Variants in SGCZ observed in about 807,000 individuals in gnomAD.
SGCZ encodes sarcoglycan zeta.
A neutral mutation model predicts 41.3 loss-of-function variants in SGCZ; 40 were observed. That is an observed-to-expected ratio of 0.97 (90% CI 0.75 to 1.26). The LOEUF (loss-of-function observed/expected upper bound fraction) is 1.26. Among genes scored for constraint, SGCZ ranks in the 50% most tolerant of loss-of-function variants. SGCZ has a pLI of 0.00. For missense variants in SGCZ, 552 were observed against 369.8 expected (o/e 1.49, Z -4.04); for synonymous variants, 206 against 137.5 (o/e 1.50, Z -3.49).
chr8:14,114,368 T>C (rs1019304720), intron 5 of SGCZ, among the ~76,000 whole-genome samples: 1 of 151,980 alleles, frequency 6.6e-6, no homozygotes, highest in Non-Finnish European at 1.5e-5. Flanking sequence ...ATTATGAGCA[T>C]AGCCAAAGTG....
At chr8:14,468,262 C>T (rs569233935) in intron 2 of SGCZ, among the ~76,000 whole-genome samples, 48 of 152,108 alleles carry the variant, frequency 3.2e-4, no homozygotes, top group African/African-American at 1.2e-3. Flanking sequence ...CAGCAGTAAT[C>T]TATTTCATTC....
At chr8:14,181,095 C>T (rs1485300860) in intron 4 of SGCZ, among the ~76,000 whole-genome samples, 1 of 152,130 alleles carries the variant, frequency 6.6e-6, no homozygotes, top group Non-Finnish European at 1.5e-5. Flanking sequence ...CTAAGCCAGG[C>T]CTGAGGCCCA....
chr8:14,613,300 T>C (rs1378255257), intron 1 of SGCZ, among the ~76,000 whole-genome samples: 1 of 152,230 alleles, frequency 6.6e-6, no homozygotes, highest in Non-Finnish European at 1.5e-5. Context: ...TGTCACCTAT[T>C]ATTTTGATTT....
At chr8:15,031,812 C>T (rs1803673955) in intron 1 of SGCZ, among the ~76,000 whole-genome samples, 1 of 151,916 alleles carries the variant, frequency 6.6e-6, no homozygotes, top group African/African-American at 2.4e-5. Flanking sequence ...GACATAGCAG[C>T]TTCTCTTTAG....
intron 2 of SGCZ, among the ~76,000 whole-genome samples, chr8:14,436,323 T>G (rs1423457920): frequency 6.6e-6 from 1 of 152,180 alleles, no homozygotes; most frequent in Non-Finnish European, 1.5e-5. Context: ...TCAGCGCATA[T>G]TAAAAGTAGT....
At chr8:14,580,605 A>G (rs2117256319) in intron 1 of SGCZ, among the ~76,000 whole-genome samples, 1 of 152,344 alleles carries the variant, frequency 6.6e-6, no homozygotes, top group East Asian at 1.9e-4. Flanking sequence ...TGGAAATACA[A>G]CTGGACTTTT....
chr8:14,517,219 C>T (rs1373028412), intron 2 of SGCZ, among the ~76,000 whole-genome samples: 1 of 151,952 alleles, frequency 6.6e-6, no homozygotes, highest in East Asian at 1.9e-4. Flanking sequence ...AATGCCAAAA[C>T]TAAGGAAGTA....
intron 2 of SGCZ, among the ~76,000 whole-genome samples, chr8:14,537,831 T>C (rs780474311): frequency 2.6e-5 from 4 of 151,928 alleles, no homozygotes; most frequent in Non-Finnish European, 4.4e-5. Context: ...AAGATATAAA[T>C]GTGAAAGTGT....
chr8:14,281,058 A>T lies in SGCZ; in HGVS notation c.336+43045T>A, dbSNP rs542621593. ...TACTTCATCACAACTATAAAATTTG[A>T]GACCTTAGGTGATGTGCATTACCAT... On this transcript the variant is annotated intron_variant, in intron 3 of 7. Coordinates refer to ENST00000382080, the MANE Select transcript of SGCZ (RefSeq NM_139167.4). 3.3e-5 allele frequency among the ~76,000 whole-genome samples: 5 copies of T among 152,040 alleles called. No individual in the cohort carries two copies. The East Asian group carries it at 9.7e-4, about 29-fold the overall frequency.
intron 2 of SGCZ, among the ~76,000 whole-genome samples, chr8:14,471,807 T>C (rs1354320093): frequency 6.6e-6 from 1 of 152,084 alleles, no homozygotes; most frequent in Non-Finnish European, 1.5e-5. Flanking sequence ...CTGCCAATAA[T>C]TGCTATTATG....
intron 1 of SGCZ, among the ~76,000 whole-genome samples, chr8:14,670,395 T>C (rs1169223177): frequency 6.6e-6 from 1 of 152,196 alleles, no homozygotes; most frequent in African/African-American, 2.4e-5. Context: ...ATATTATTGC[T>C]ATCAGTTTAT....
intron 2 of SGCZ, among the ~76,000 whole-genome samples, chr8:14,464,594 T>G (rs1366782709): frequency 6.6e-6 from 1 of 151,456 alleles, no homozygotes; most frequent in African/African-American, 2.4e-5. Context: ...TTATTTTGTT[T>G]ATCTCTGCTT....
chr8:14,615,919 A>G (rs1001985288), intron 1 of SGCZ, among the ~76,000 whole-genome samples: 3 of 152,018 alleles, frequency 2.0e-5, no homozygotes, highest in African/African-American at 7.3e-5. Context: ...ACTCTATTAC[A>G]CTTAGAATAA....
chr8:14,760,586 C>CAG (rs1262469068), intron 1 of SGCZ, among the ~76,000 whole-genome samples: 2 of 152,116 alleles, frequency 1.3e-5, no homozygotes, highest in African/African-American at 2.4e-5. Flanking sequence ...TTGCAGTGTA[C>CAG]AACTGGCAAC....
At chr8:14,926,632 TC>T (rs1237014800) in intron 1 of SGCZ, among the ~76,000 whole-genome samples, 1 of 151,132 alleles carries the variant, frequency 6.6e-6, no homozygotes, top group African/African-American at 2.4e-5. Context: ...GTTTTGTTTT[TC>T]CGTGTGTGTG....
At chr8:14,678,605 G>A (rs1488665332) in intron 1 of SGCZ, among the ~76,000 whole-genome samples, 1 of 152,202 alleles carries the variant, frequency 6.6e-6, no homozygotes, top group Non-Finnish European at 1.5e-5. Flanking sequence ...AAATGGTACA[G>A]CCACTCTGGA....
chr8:15,005,179 G>C (rs6983811), intron 1 of SGCZ, among the ~76,000 whole-genome samples: 11,997 of 152,046 alleles, frequency 0.079, 699 homozygotes, highest in African/African-American at 0.16. Flanking sequence ...TACAGTCTCT[G>C]AATGTGGAGA....
intron 2 of SGCZ, among the ~76,000 whole-genome samples, chr8:14,395,756 G>A (rs1270890020): frequency 1.3e-5 from 2 of 152,148 alleles, no homozygotes; most frequent in African/African-American, 4.8e-5. Flanking sequence ...GATGGCAAAG[G>A]AGCTCAGAGC....
At chr8:14,879,695 A>C (rs1804509490) in intron 1 of SGCZ, 2 of 151,646 alleles carry the variant, frequency 1.3e-5, no homozygotes, top group Admixed American at 6.6e-5. Flanking sequence ...CAGTTCCCTT[A>C]GTCTGCTCCT....
Sources: gnomAD v4.1 joint callset for allele counts (sites outside exome capture counted in the v4.1 genomes callset) on GRCh38, gnomAD v4.1.1 for gene constraint, MANE v1.5 for transcripts, NCBI Gene and HGNC (gene_info 2026-07-23, HGNC 2026-07-21) for gene names.